Variants in AGMO observed in about 807,000 individuals in gnomAD.
The protein encoded by AGMO is glyceryl-ether monooxygenase.
In AGMO, 75 loss-of-function variants were observed where a neutral mutation model predicts 60.2. The ratio of observed to expected loss-of-function variants is 1.25; its 90% CI spans 1.03 to 1.51. The LOEUF (loss-of-function observed/expected upper bound fraction) is 1.51, where lower values mean the gene tolerates loss of function less well. AGMO is among the 40% of genes most tolerant of loss of function. The probability of loss-of-function intolerance (pLI) is 0.00; values close to 1 mark genes in which losing one functional copy is unlikely to be tolerated. For synonymous variants in AGMO, 261 were observed against 177.1 expected, an observed-to-expected ratio of 1.47 and a Z score of -3.76; for missense variants, 763 against 525.5, an observed-to-expected ratio of 1.45 and a Z score of -4.42.
At chr7:15,196,142 G>C (rs1484622503), downstream of AGMO, among the ~76,000 whole-genome samples, 2 of 151,380 alleles carry the variant, frequency 1.3e-5, no homozygotes, top group Non-Finnish European at 2.9e-5. Flanking sequence ...TCCCGGGTTC[G>C]AGCGATTCTT....
At chr7:15,345,089 TTTC>T (rs1317820680) in intron 12 of AGMO, among the ~76,000 whole-genome samples, 6 of 152,292 alleles carry the variant, frequency 3.9e-5, no homozygotes, top group Middle Eastern at 3.4e-3. Context: ...CCTCCACCAA[TTTC>T]TTCTTTACAA....
intron 5 of AGMO, among the ~76,000 whole-genome samples, chr7:15,399,557 C>T (rs9692534): frequency 0.11 from 16,952 of 152,114 alleles, 1,134 homozygotes; most frequent in South Asian, 0.2. Context: ...ATAGTAACAT[C>T]ATAAATATAT....
intron 5 of AGMO, among the ~76,000 whole-genome samples, chr7:15,415,512 C>T (rs1165444923): frequency 6.6e-6 from 1 of 151,878 alleles, no homozygotes; most frequent in Non-Finnish European, 1.5e-5. Flanking sequence ...CACTGTACTC[C>T]AGCCTGGCAA....
chr7:15,533,625 T>C (rs1235166202), intron 3 of AGMO, among the ~76,000 whole-genome samples: 2 of 152,168 alleles, frequency 1.3e-5, no homozygotes, highest in Non-Finnish European at 2.9e-5. Flanking sequence ...GAGCAGTATT[T>C]TCACCATGGT....
At chr7:15,124,762 A>G in the AGMO span, among the ~76,000 whole-genome samples, 1 of 152,070 alleles carries the variant, frequency 6.6e-6, no homozygotes, top group Non-Finnish European at 1.5e-5. Context: ...ACCACTTCTC[A>G]GGATGTTATG....
At chr7:15,184,488 GGAAGGAAGGAAGGAATA>G in the AGMO span, among the ~76,000 whole-genome samples, 1 of 133,126 alleles carries the variant, frequency 7.5e-6, no homozygotes, top group Non-Finnish European at 1.6e-5. Context: ...AAGGAGGGAG[GGAAGGAAGGAAGGAATA>G]GAAGGAAGGA....
chr7:15,228,193 A>G (rs1342628415), intron 12 of AGMO, among the ~76,000 whole-genome samples: 1 of 152,130 alleles, frequency 6.6e-6, no homozygotes, highest in East Asian at 1.9e-4. Context: ...TTTCCAACAG[A>G]TAATAGTAGA....
At chr7:15,377,825 A>G (rs1216235586) in intron 10 of AGMO, among the ~76,000 whole-genome samples, 1 of 151,942 alleles carries the variant, frequency 6.6e-6, no homozygotes, top group Non-Finnish European at 1.5e-5. Flanking sequence ...GGGTTATGAG[A>G]CCTTACTTAA....
Position 15,429,459 on chromosome 7 carries a change from A to T in AGMO, c.513+1546T>A, listed in dbSNP as rs551071105. 5.3e-5 allele frequency among the ~76,000 whole-genome samples: 8 copies of T among 151,134 alleles called. No individual in the cohort carries two copies. The South Asian group carries it at 1.7e-3, about 31-fold the overall frequency. On this transcript the variant is annotated intron_variant, in intron 4 of 12. Coordinates refer to ENST00000342526, the MANE Select transcript of AGMO (RefSeq NM_001004320.2). Reference sequence around the variant, plus strand: ...GAAAGAACCAAAAACTAAGAGAGAGAACCAGAAAAGATCCTTTCCTAGTGT... The same window carrying T: ...GAAAGAACCAAAAACTAAGAGAGAGTACCAGAAAAGATCCTTTCCTAGTGT...
At chr7:15,556,928 C>T (rs1785159044) in intron 2 of AGMO, among the ~76,000 whole-genome samples, 1 of 151,952 alleles carries the variant, frequency 6.6e-6, no homozygotes, top group African/African-American at 2.4e-5. Flanking sequence ...TAAGCCTGTC[C>T]AGAATCTGGT....
chr7:15,547,813 C>G (rs1336193205), intron 2 of AGMO, among the ~76,000 whole-genome samples: 1 of 151,974 alleles, frequency 6.6e-6, no homozygotes, highest in Non-Finnish European at 1.5e-5. Flanking sequence ...TGGAACCCAC[C>G]ACAGCTCAAG....
chr7:15,388,918 T>G (rs557466189), intron 8 of AGMO, among the ~76,000 whole-genome samples: 1 of 152,282 alleles, frequency 6.6e-6, no homozygotes, highest in African/African-American at 2.4e-5. Flanking sequence ...GAAGGAAATG[T>G]GAGGGGGAAA....
At chr7:15,218,187 G>C (rs1201533882) in intron 12 of AGMO, among the ~76,000 whole-genome samples, 4 of 152,188 alleles carry the variant, frequency 2.6e-5, no homozygotes, top group Non-Finnish European at 2.9e-5. Flanking sequence ...AAATTTGAGT[G>C]AAAATGTAAC....
At chr7:15,162,332 G>A in the AGMO span, among the ~76,000 whole-genome samples, 22 of 152,120 alleles carry the variant, frequency 1.4e-4, no homozygotes, top group Non-Finnish European at 2.2e-4. Context: ...ACAACTCAAG[G>A]TAGGTTTCTG....
intron 12 of AGMO, among the ~76,000 whole-genome samples, chr7:15,229,715 ATAT>A (rs1370842465): frequency 0.011 from 1,358 of 124,478 alleles, 22 homozygotes; most frequent in African/African-American, 0.053. Context: ...TATATATATT[ATAT>A]TATATATAAA....
chr7:15,179,481 G>C, the AGMO span, among the ~76,000 whole-genome samples: 1 of 152,172 alleles, frequency 6.6e-6, no homozygotes, highest in Non-Finnish European at 1.5e-5. Context: ...AAAACGGAAA[G>C]CAATATTAAG....
intron 5 of AGMO, among the ~76,000 whole-genome samples, chr7:15,405,350 C>A (rs909456289): frequency 2.0e-5 from 3 of 151,856 alleles, no homozygotes; most frequent in African/African-American, 7.2e-5. Context: ...TAGTTATTAT[C>A]CTCAAGATGT....
intron 12 of AGMO, among the ~76,000 whole-genome samples, chr7:15,353,843 A>G (rs887374350): frequency 3.3e-5 from 5 of 152,148 alleles, no homozygotes; most frequent in African/African-American, 1.2e-4. Flanking sequence ...GGGACAGGTG[A>G]GTAAGAATAT....
Position 15,542,882 on chromosome 7 carries a change from A to G in AGMO, c.409+1890T>C, listed in dbSNP as rs190225638. ...TTTCTAACTCATATATTCACTTCAA[A>G]TTGTTCTAATAAATTAAGCCTTCAT... On this transcript the variant is annotated intron_variant, in intron 3 of 12. Transcript: ENST00000342526. Among the ~76,000 whole-genome samples, 30 of 152,326 alleles carry G rather than the reference A, an allele frequency of 2.0e-4. No individual in the cohort carries two copies. In the East Asian group the frequency reaches 5.8e-3, roughly 29 times the overall value.
Sources: allele counts gnomAD v4.1 joint callset (sites outside exome capture counted in the v4.1 genomes callset), GRCh38; gene constraint gnomAD v4.1.1; transcripts MANE v1.5; gene names NCBI Gene and HGNC (gene_info 2026-07-23, HGNC 2026-07-21).